DTD1: variants seen among roughly 807,000 people sequenced by gnomAD.
DTD1 encodes the protein D-tyrosyl-tRNA deacylase 1 homolog.
DTD1 carries 13 observed loss-of-function variants against 25.6 expected under a neutral mutation model. The ratio of observed to expected loss-of-function variants is 0.51; its 90% CI spans 0.33 to 0.81. The LOEUF (loss-of-function observed/expected upper bound fraction) is 0.81. DTD1 is among the 30% of genes least tolerant of loss of function. The probability of loss-of-function intolerance (pLI) is 0.02; values close to 1 mark genes in which losing one functional copy is unlikely to be tolerated. For missense variants in DTD1, 193 were observed against 266.4 expected (o/e 0.72, Z 1.92); for synonymous variants, 110 against 103.6 (o/e 1.06, Z -0.37).
intron 4 of DTD1, among the ~76,000 whole-genome samples, chr20:18,736,141 A>G (rs764244677): frequency 4.6e-5 from 7 of 152,140 alleles, no homozygotes; most frequent in Non-Finnish European, 1.0e-4. Context: ...GAACCCCTTC[A>G]TGGCTAAATC....
rs117708324 is a variant in DTD1 at position 18,703,701 on chromosome 20, A to G, written c.478-40399A>G. ...AATATCCATGAACTCATTTTTTATCATAATTTCTGCTTTTTCATAGTATTC... is the reference window on the plus strand; with the variant it reads ...AATATCCATGAACTCATTTTTTATCGTAATTTCTGCTTTTTCATAGTATTC... On this transcript the variant is annotated intron_variant, in intron 4 of 5. Transcript: ENST00000377452. 8.0e-3 allele frequency among the ~76,000 whole-genome samples: 1,182 copies of G among 147,112 alleles called. 8 individuals are homozygous for G. The highest frequency in any genetic ancestry group is 0.013 in the Non-Finnish European group (846 of 66,766).
intron 5 of DTD1, among the ~76,000 whole-genome samples, chr20:18,761,505 A>G (rs938614872): frequency 6.6e-6 from 1 of 152,208 alleles, no homozygotes. Context: ...TTTTAACAGA[A>G]TATCTTTAAC....
At chr20:18,744,048 C>T (rs1440956789) in intron 4 of DTD1, 52 bp from the exon 5 acceptor site, 12 of 1,529,440 alleles carry the variant, frequency 7.8e-6, no homozygotes, top group South Asian at 2.5e-5. Context: ...GTGGGATACA[C>T]AGGCATGTGT....
intron 3 of DTD1, among the ~76,000 whole-genome samples, chr20:18,617,568 A>T (rs2060713958): frequency 6.6e-6 from 1 of 151,984 alleles, no homozygotes; most frequent in Non-Finnish European, 1.5e-5. Context: ...TCTTCTAATT[A>T]ATGATTGAAT....
chr20:18,746,408 A>C (rs2061300391), intron 5 of DTD1, among the ~76,000 whole-genome samples: 2 of 152,112 alleles, frequency 1.3e-5, no homozygotes, highest in East Asian at 1.9e-4. Flanking sequence ...AGGAAGTGAG[A>C]TATATTAGGC....
At chr20:18,670,687 A>G (rs759862837) in intron 4 of DTD1, among the ~76,000 whole-genome samples, 17 of 152,200 alleles carry the variant, frequency 1.1e-4, no homozygotes, top group Non-Finnish European at 2.2e-4. Flanking sequence ...GAATGAGAAC[A>G]TGGTGTTGCT....
intron 4 of DTD1, among the ~76,000 whole-genome samples, 171 bp from the exon 5 acceptor site, chr20:18,743,929 C>T (rs759249962): frequency 1.3e-5 from 2 of 152,086 alleles, no homozygotes; most frequent in Non-Finnish European, 2.9e-5. Context: ...ATTCAGGTGC[C>T]TGTTGGAAAA....
intron 3 of DTD1, among the ~76,000 whole-genome samples, chr20:18,614,992 C>G (rs780745697): frequency 6.6e-6 from 1 of 152,198 alleles, no homozygotes; most frequent in Non-Finnish European, 1.5e-5. Flanking sequence ...CTCCTCCCAA[C>G]CTGGTGGTCT....
intron 4 of DTD1, among the ~76,000 whole-genome samples, chr20:18,738,476 C>T (rs144869097): frequency 2.0e-5 from 3 of 152,314 alleles, no homozygotes; most frequent in East Asian, 1.9e-4. Flanking sequence ...TCAACTCTGC[C>T]GGGGCTCTCC....
At chr20:18,718,252 A>G (rs2061189316) in intron 4 of DTD1, among the ~76,000 whole-genome samples, 1 of 152,198 alleles carries the variant, frequency 6.6e-6, no homozygotes, top group Admixed American at 6.5e-5. Flanking sequence ...TAATTAGTTA[A>G]GTTAGTTGGA....
rs919977900 is a variant in DTD1 at position 18,632,881 on chromosome 20, G to A, written c.477+4648G>A. ...GTGTGCCCATGTGCATGTGCATGTG[G>A]GTATGTGTGCATGCATTTGTGTATG... On this transcript the variant is annotated intron_variant, in intron 4 of 5. Transcript: ENST00000377452. 2.6e-5 allele frequency among the ~76,000 whole-genome samples: 4 copies of A among 151,998 alleles called. 1 individual carries two copies. The highest frequency in any genetic ancestry group is 5.9e-5 in the Non-Finnish European group (4 of 67,996).
chr20:18,741,100 G>A (rs1161879904), intron 4 of DTD1, among the ~76,000 whole-genome samples: 1 of 152,138 alleles, frequency 6.6e-6, no homozygotes, highest in African/African-American at 2.4e-5. Flanking sequence ...CCAGGCCATG[G>A]CGAAACAAAG....
intron 4 of DTD1, among the ~76,000 whole-genome samples, chr20:18,717,206 A>G (rs1402677926): frequency 6.6e-6 from 1 of 152,204 alleles, no homozygotes; most frequent in Non-Finnish European, 1.5e-5. Context: ...CACGGGAGAT[A>G]ATTAGCATCA....
chr20:18,628,074 A>G, intron 3 of DTD1, 53 bp from the exon 4 acceptor site: 1 of 1,460,864 alleles, frequency 6.8e-7, no homozygotes, highest in Non-Finnish European at 9.6e-7. Context: ...GTGCTTTTGG[A>G]TGGAGTAATC....
chr20:18,608,406 C>G (rs2122271337), intron 3 of DTD1, among the ~76,000 whole-genome samples: 1 of 151,060 alleles, frequency 6.6e-6, no homozygotes, highest in Admixed American at 6.6e-5. Context: ...CTAATCTTCT[C>G]TGTATTGTTC....
At chr20:18,664,789 G>A (rs887571890) in intron 4 of DTD1, among the ~76,000 whole-genome samples, 1 of 152,198 alleles carries the variant, frequency 6.6e-6, no homozygotes, top group Admixed American at 6.5e-5. Flanking sequence ...GCAAGGGTGT[G>A]TGGCCCAGGG....
At chr20:18,700,953 GA>G (rs1427927310) in intron 4 of DTD1, among the ~76,000 whole-genome samples, 3 of 152,206 alleles carry the variant, frequency 2.0e-5, no homozygotes, top group African/African-American at 7.2e-5. Flanking sequence ...TCTGTGAGGT[GA>G]AAAAGCTACT....
At chr20:18,631,191 G>T in intron 4 of DTD1, 2 of 985,438 alleles carry the variant, frequency 2.0e-6, no homozygotes, top group Non-Finnish European at 2.4e-6. Flanking sequence ...CCTTTCCTGG[G>T]CTGAGTCCAG....
At chr20:18,759,967 C>T (rs1014437804) in intron 5 of DTD1, among the ~76,000 whole-genome samples, 12 of 152,146 alleles carry the variant, frequency 7.9e-5, no homozygotes, top group East Asian at 1.9e-4. Flanking sequence ...CTTCTCTTCT[C>T]GCTTCATTTC....
Sources: gnomAD v4.1 joint callset for allele counts (sites outside exome capture counted in the v4.1 genomes callset) on GRCh38, gnomAD v4.1.1 for gene constraint, MANE v1.5 for transcripts, NCBI Gene and HGNC (gene_info 2026-07-23, HGNC 2026-07-21) for gene names.